The following ADD3 variants were observed in gnomAD, a reference collection of about 807,000 sequenced individuals.
The protein encoded by ADD3 is adducin 3.
A neutral mutation model predicts 80.2 loss-of-function variants in ADD3; 25 were observed. The observed-to-expected ratio is 0.31, with a 90% confidence interval of 0.23 to 0.44. ADD3 has a LOEUF of 0.44. Ranked by LOEUF, ADD3 falls within the 20% of genes least tolerant of loss-of-function variation. The pLI, the probability that ADD3 is intolerant of heterozygous loss-of-function variation, is 1.00. For missense variants in ADD3, 829 were observed against 847.5 expected, an observed-to-expected ratio of 0.98 and a Z score of 0.27; for synonymous variants, 284 against 289.6, an observed-to-expected ratio of 0.98 and a Z score of 0.20.
At chr10:110,033,453 G>T (rs186204875) in intron 1 of ADD3, among the ~76,000 whole-genome samples, 1 of 152,196 alleles carries the variant, frequency 6.6e-6, no homozygotes, top group Non-Finnish European at 1.5e-5. Flanking sequence ...GGCAGTCCCA[G>T]AATGCATCTT....
intron 1 of ADD3, among the ~76,000 whole-genome samples, chr10:110,051,724 A>G (rs1857534658): frequency 6.6e-6 from 1 of 152,264 alleles, no homozygotes; most frequent in South Asian, 2.1e-4. Context: ...TGGCAAAAGT[A>G]GTTCTTTCTA....
Position 110,125,850 on chromosome 10 carries a change from A to G in ADD3, c.1426A>G (p.Lys476Glu), listed in dbSNP as rs762751099. The G allele has an allele frequency of 1.9e-6, 3 of 1,606,174 alleles. No homozygotes were observed. The highest frequency in any genetic ancestry group is 2.2e-5 in the South Asian group (2 of 90,162). ...ITWMKAEDSS[K>E]VSGGTPIKIE... ...GTGGATGAAAGCAGAAGACTCATCT[A>G]AAGTTAGTGGTGGAACACCTATCAA... The change falls in exon 11 of 15, where the codon AAA becomes GAA. Residue 476 changes from lysine (K) to glutamate (E), a missense_variant. Lys to Glu is a moderately conservative substitution (Grantham distance 56). Transcript: ENST00000356080.
chr10:110,071,884 T>G (rs560014248), intron 1 of ADD3, among the ~76,000 whole-genome samples: 2 of 152,014 alleles, frequency 1.3e-5, no homozygotes, highest in East Asian at 3.9e-4. Context: ...GGTTATGTTG[T>G]GTACATTTTT....
At chr10:110,113,140 T>C (rs1208196160) in intron 3 of ADD3, among the ~76,000 whole-genome samples, 1 of 152,208 alleles carries the variant, frequency 6.6e-6, no homozygotes, top group Non-Finnish European at 1.5e-5. Context: ...GGGCTGGGAC[T>C]TGTGGCATGT....
In ADD3 at chr10:110,070,279, G is replaced by T. The variant is rs76094236; in HGVS notation, c.-29-30346G>T. Among the ~76,000 whole-genome samples the T allele has an allele frequency of 2.4e-3, 363 of 152,178 alleles. 3 individuals carry two copies. Among genetic ancestry groups the T allele is most frequent in the Non-Finnish European group, 4.4e-3 (296 of 68,002 alleles). On this transcript the variant is annotated intron_variant, in intron 1 of 14. Transcript: ENST00000356080. The stretch of plus-strand genomic sequence containing the variant: ...AACCCACTAAATTGCTAGTATTTTA[G>T]GGTCAGAGACAATGTCTCGTTCATT...
chr10:110,106,101 A>G (rs1228329938), intron 2 of ADD3: 1 of 151,672 alleles, frequency 6.6e-6, no homozygotes, highest in African/African-American at 2.4e-5. Flanking sequence ...CTCTAATAAC[A>G]TAATTATAGG....
At chr10:110,119,753 A>G (rs1294994959) in intron 8 of ADD3, 189 bp downstream of exon 8, 1 of 531,588 alleles carries the variant, frequency 1.9e-6, no homozygotes, top group Non-Finnish European at 3.3e-6. Context: ...AAAGGAAATT[A>G]AAATTTTCTC....
At chr10:110,025,039 G>A (rs544978808) in intron 1 of ADD3, among the ~76,000 whole-genome samples, 13 of 151,626 alleles carry the variant, frequency 8.6e-5, no homozygotes, top group South Asian at 6.2e-4. Flanking sequence ...AGTTACAGGC[G>A]TGCGCCACCA....
intron 1 of ADD3, among the ~76,000 whole-genome samples, chr10:110,044,756 A>C (rs1486342155): frequency 6.6e-6 from 1 of 152,256 alleles, no homozygotes; most frequent in East Asian, 1.9e-4. Flanking sequence ...AGACCCTTTT[A>C]ATTCAAAATG....
intron 2 of ADD3, among the ~76,000 whole-genome samples, chr10:110,102,768 C>T (rs1353251082): frequency 2.0e-5 from 3 of 152,112 alleles, no homozygotes; most frequent in African/African-American, 4.8e-5. Flanking sequence ...ACTGTAGAGT[C>T]TAAATGAAAA....
chr10:110,078,364 G>A (rs1845622149), intron 1 of ADD3, among the ~76,000 whole-genome samples: 1 of 152,126 alleles, frequency 6.6e-6, no homozygotes, highest in Non-Finnish European at 1.5e-5. Context: ...AATGCTAAAG[G>A]GAATATGCTA....
chr10:110,066,994 C>T (rs1340581197), intron 1 of ADD3, among the ~76,000 whole-genome samples: 1 of 152,188 alleles, frequency 6.6e-6, no homozygotes, highest in African/African-American at 2.4e-5. Flanking sequence ...TTGCTCTGTT[C>T]TGACTGTGTT....
At chr10:110,112,975 A>C in intron 3 of ADD3, 60 bp downstream of exon 3, 1 of 1,551,186 alleles carries the variant, frequency 6.4e-7, no homozygotes, top group Non-Finnish European at 8.8e-7. Flanking sequence ...GGACCACTAT[A>C]CATCTCTAGC....
upstream of ADD3, among the ~76,000 whole-genome samples, chr10:110,005,237 T>C (rs1324285061): frequency 6.6e-6 from 1 of 152,066 alleles, no homozygotes; most frequent in Non-Finnish European, 1.5e-5. Flanking sequence ...AATTTTTGTA[T>C]TTTTAGTAGA....
chr10:110,052,462 C>G (rs978909256), intron 1 of ADD3, among the ~76,000 whole-genome samples: 3 of 152,188 alleles, frequency 2.0e-5, no homozygotes, highest in African/African-American at 7.2e-5. Context: ...CTGTTGTGAA[C>G]TGCGCATTCA....
At position 110,133,331 on chromosome 10, in the gene ADD3, C is replaced by T. The variant is rs1853299535; in HGVS notation, c.1834C>T (p.His612Tyr). 1 of 1,574,196 alleles carries T rather than the reference C, an allele frequency of 6.4e-7. No homozygotes were observed. The change falls in exon 15 of 15, where the codon CAT becomes TAT. Residue 612 changes from histidine (H) to tyrosine (Y), a missense_variant. Coordinates refer to ENST00000356080, the MANE Select transcript of ADD3 (RefSeq NM_016824.5). ...AAAACCCTCCCCTTTCGTAGAAAAC[C>T]ATGAGCTGTTTTCCAAGAGCTTCAT... ...QNVPEKLEEN[H>Y]ELFSKSFISM...
intron 1 of ADD3, among the ~76,000 whole-genome samples, chr10:110,011,061 C>T (rs899769327): frequency 6.6e-6 from 1 of 150,912 alleles, no homozygotes; most frequent in Non-Finnish European, 1.5e-5. Context: ...TGCTATCTTT[C>T]TAATTACTAA....
chr10:110,081,168 A>C (rs1846011154), intron 1 of ADD3, among the ~76,000 whole-genome samples: 1 of 152,224 alleles, frequency 6.6e-6, no homozygotes, highest in Non-Finnish European at 1.5e-5. Context: ...ATATACCTTG[A>C]ATATACTTTT....
At chr10:110,116,471 C>T (rs1850742887) in intron 4 of ADD3, 61 bp downstream of exon 4, 5 of 1,537,260 alleles carry the variant, frequency 3.3e-6, no homozygotes, top group South Asian at 2.3e-5. Flanking sequence ...CAACTATACT[C>T]TTCTTACCTT....
Sources: allele counts gnomAD v4.1 joint callset (sites outside exome capture counted in the v4.1 genomes callset), GRCh38; gene constraint gnomAD v4.1.1; transcripts MANE v1.5; gene names NCBI Gene and HGNC (gene_info 2026-07-23, HGNC 2026-07-21).